JAK1: variants seen among roughly 807,000 people sequenced by gnomAD.
The protein encoded by JAK1 is tyrosine-protein kinase JAK1.
In JAK1, 16 loss-of-function variants were observed where a neutral mutation model predicts 136.6. That is an observed-to-expected ratio of 0.12 (90% confidence interval 0.08 to 0.18). The LOEUF is 0.18. Among genes scored for constraint, JAK1 ranks in the 10% least tolerant of loss-of-function variants. JAK1 has a pLI of 1.00. For missense variants in JAK1, 859 were observed against 1,450.1 expected, an observed-to-expected ratio of 0.59 and a Z score of 6.62; for synonymous variants, 492 against 519.5, an observed-to-expected ratio of 0.95 and a Z score of 0.72.
chr1:64,918,855 A>G (rs997550530), intron 1 of JAK1, among the ~76,000 whole-genome samples: 1 of 152,194 alleles, frequency 6.6e-6, no homozygotes, highest in African/African-American at 2.4e-5. Context: ...AAAATCAATT[A>G]CCTTATCCTC....
chr1:64,834,651 G>A lies in JAK1; in HGVS notation c.3376C>T (p.Gln1126Ter), dbSNP rs377646860. ...CPPNCPDEVY[Q>*]LMRKCWEFQP... Reference sequence around the variant, plus strand: ...AATTCCCAGCATTTCCTCATAAGTTGATAAACCTGTAAAAAGAAAGAAGTA... The same window carrying A: ...AATTCCCAGCATTTCCTCATAAGTTAATAAACCTGTAAAAAGAAAGAAGTA... Residue 1126 changes from glutamine (Q) to a stop codon, truncating the protein, a stop_gained, in exon 25 of 25, where the codon CAA becomes TAA. Coordinates refer to ENST00000342505, the MANE Select transcript of JAK1 (RefSeq NM_002227.4). LOFTEE classifies it high-confidence loss of function. The A allele has an allele frequency of 6.2e-7, 1 of 1,603,184 alleles. No homozygotes were observed. The highest frequency in any genetic ancestry group is 1.3e-5 in the African/African-American group (1 of 74,670).
chr1:64,899,034 T>C (rs957786362), intron 1 of JAK1, among the ~76,000 whole-genome samples: 1 of 152,202 alleles, frequency 6.6e-6, no homozygotes, highest in African/African-American at 2.4e-5. Context: ...TAAAAATCAA[T>C]AAAAAATCAA....
At chr1:64,939,289 T>C (rs1645845784) in intron 1 of JAK1, among the ~76,000 whole-genome samples, 1 of 152,216 alleles carries the variant, frequency 6.6e-6, no homozygotes, top group Admixed American at 6.5e-5. Flanking sequence ...GCACAACTCA[T>C]ACCTCTAAGG....
intron 1 of JAK1, among the ~76,000 whole-genome samples, chr1:64,933,121 T>A (rs1645727418): frequency 6.6e-6 from 1 of 151,800 alleles, no homozygotes; most frequent in Non-Finnish European, 1.5e-5. Context: ...ATGTTTTATA[T>A]TCATTGAATC....
intron 2 of JAK1, among the ~76,000 whole-genome samples, chr1:64,999,720 G>A (rs1031221021): frequency 1.4e-5 from 2 of 147,838 alleles, no homozygotes; most frequent in African/African-American, 2.5e-5. Flanking sequence ...GGGCAACAGA[G>A]TGAGACCCTC....
intron 1 of JAK1, among the ~76,000 whole-genome samples, chr1:64,943,102 T>G (rs190742162): frequency 6.6e-6 from 1 of 152,234 alleles, no homozygotes; most frequent in Non-Finnish European, 1.5e-5. Context: ...TTAGTTTTCC[T>G]AATTCTTCCA....
At chr1:64,910,670 C>T (rs774290856) in intron 1 of JAK1, among the ~76,000 whole-genome samples, 1 of 152,050 alleles carries the variant, frequency 6.6e-6, no homozygotes, top group South Asian at 2.1e-4. Context: ...CTTGTCTCTA[C>T]TGAAAATACA....
intron 1 of JAK1, among the ~76,000 whole-genome samples, chr1:64,947,696 C>A (rs1646012765): frequency 6.6e-6 from 1 of 151,828 alleles, no homozygotes; most frequent in African/African-American, 2.4e-5. Flanking sequence ...ACAACAGGTC[C>A]CTGAACAAGA....
chr1:64,970,672 G>A (rs1474710193), upstream of JAK1, among the ~76,000 whole-genome samples: 2 of 151,502 alleles, frequency 1.3e-5, no homozygotes, highest in African/African-American at 4.9e-5. Context: ...GCTGAGGCAC[G>A]AGAACCGCTT....
chr1:64,837,151 C>A (rs1038311401), intron 22 of JAK1, among the ~76,000 whole-genome samples: 2 of 152,224 alleles, frequency 1.3e-5, no homozygotes, highest in Non-Finnish European at 2.9e-5. Flanking sequence ...CTGTATGTTT[C>A]CTGCTCCATG....
At chr1:64,958,198 T>C (rs572406996) in intron 1 of JAK1, among the ~76,000 whole-genome samples, 1 of 152,346 alleles carries the variant, frequency 6.6e-6, no homozygotes, top group East Asian at 1.9e-4. Context: ...AGCTTGTAGA[T>C]GGTAGGTGGC....
chr1:64,923,072 G>A (rs1395450602), intron 1 of JAK1, among the ~76,000 whole-genome samples: 3 of 152,150 alleles, frequency 2.0e-5, no homozygotes, highest in Non-Finnish European at 4.4e-5. Context: ...GAAAGTTGGG[G>A]TAGGAAACAA....
chr1:65,001,048 G>A (rs1646751473), intron 2 of JAK1, among the ~76,000 whole-genome samples: 1 of 151,940 alleles, frequency 6.6e-6, no homozygotes, highest in African/African-American at 2.4e-5. Context: ...GGAAAGACCT[G>A]GCCAGTTATT....
At position 64,837,064 on chromosome 1, in the gene JAK1, G is replaced by A. The variant is rs113418350; in HGVS notation, c.3141-849C>T. 4.2e-3 allele frequency among the ~76,000 whole-genome samples: 638 copies of A among 152,152 alleles called. 9 individuals carry two copies. Among genetic ancestry groups the A allele is most frequent in the African/African-American group, 0.015 (602 of 41,510 alleles). On this transcript the variant is annotated intron_variant, in intron 22 of 24. Transcript: ENST00000342505. The stretch of plus-strand genomic sequence containing the variant: ...TAGTCACGCATGCTGTCTAGCAACC[G>A]TCTGTCTAAACCCGCATGAATCTTT...
intron 2 of JAK1, among the ~76,000 whole-genome samples, chr1:65,011,630 T>C (rs145295220): frequency 9.5e-4 from 144 of 152,302 alleles, no homozygotes; most frequent in Middle Eastern, 3.4e-3. Context: ...AACTAGATCA[T>C]AGTTTATTTT....
intron 1 of JAK1, among the ~76,000 whole-genome samples, chr1:64,939,269 A>G (rs1338316143): frequency 6.6e-6 from 1 of 152,260 alleles, no homozygotes; most frequent in Admixed American, 6.5e-5. Context: ...GCATGAACAT[A>G]TACATATAAG....
intron 2 of JAK1, among the ~76,000 whole-genome samples, chr1:64,999,754 A>G (rs941478874): frequency 6.8e-6 from 1 of 147,038 alleles, no homozygotes; most frequent in Non-Finnish European, 1.5e-5. Context: ...AAAAAAAAAA[A>G]GTCTACTGGT....
chr1:65,032,587 A>T (rs1647033589), intron 2 of JAK1, among the ~76,000 whole-genome samples: 1 of 152,178 alleles, frequency 6.6e-6, no homozygotes, highest in Non-Finnish European at 1.5e-5. Flanking sequence ...ACCTGGCTTT[A>T]TTTTCTTAAC....
At chr1:65,056,923 T>A (rs483776) in intron 1 of JAK1, among the ~76,000 whole-genome samples, 8 of 118,748 alleles carry the variant, frequency 6.7e-5, no homozygotes, top group Admixed American at 1.8e-4. Flanking sequence ...ACTCTTTCTT[T>A]AAAAAAAAAA....
Sources: gnomAD v4.1 joint callset for allele counts (sites outside exome capture counted in the v4.1 genomes callset) on GRCh38, gnomAD v4.1.1 for gene constraint, MANE v1.5 for transcripts, NCBI Gene and HGNC (gene_info 2026-07-23, HGNC 2026-07-21) for gene names.